Variants in ABHD2 observed in about 807,000 individuals in gnomAD.
ABHD2 encodes the protein monoacylglycerol lipase ABHD2.
Under a neutral mutation model 48.1 loss-of-function variants are expected in ABHD2, and 20 were observed. The ratio of observed to expected loss-of-function variants is 0.42; its 90% confidence interval spans 0.29 to 0.60. The LOEUF is 0.60. Ranked by LOEUF, ABHD2 falls within the 20% of genes least tolerant of loss-of-function variation. The pLI is 0.24. For synonymous variants in ABHD2, 209 were observed against 214.2 expected, an observed-to-expected ratio of 0.98 and a Z score of 0.21; for missense variants, 405 against 550.9, an observed-to-expected ratio of 0.74 and a Z score of 2.65.
the ABHD2 span, among the ~76,000 whole-genome samples, chr15:89,067,402 C>G: frequency 3.9e-5 from 6 of 152,154 alleles, no homozygotes; most frequent in Non-Finnish European, 8.8e-5. Context: ...GATCTAATAG[C>G]CTGGGAGTGC....
At position 89,095,209 on chromosome 15, in the gene ABHD2, G is replaced by C. The variant is rs293373; in HGVS notation, c.-107+6646G>C. On this transcript the variant is annotated intron_variant, in intron 1 of 10. Transcript: ENST00000352732. ...GGCCATTGAATTATGCTGTTTGGGAGGGCCTAAAGTCGAGGATTCTACTCA... is the reference window on the plus strand; with the variant it reads ...GGCCATTGAATTATGCTGTTTGGGACGGCCTAAAGTCGAGGATTCTACTCA... Among the ~76,000 whole-genome samples, 18 of 152,066 alleles carry C rather than the reference G, an allele frequency of 1.2e-4. No individual in the cohort carries two copies. The East Asian group carries it at 3.5e-3, about 29-fold the overall frequency.
rs1289087466 is a variant in ABHD2, at chr15:89,106,700, G to T, written c.-106-7025G>T. Among the ~76,000 whole-genome samples the T allele has an allele frequency of 2.6e-5, 4 of 152,176 alleles. No homozygotes were observed. The highest frequency in any genetic ancestry group is 7.2e-5 in the African/African-American group (3 of 41,438). On this transcript the variant is annotated intron_variant, in intron 1 of 10. Coordinates refer to ENST00000352732, the MANE Select transcript of ABHD2 (RefSeq NM_152924.5). This position sits in a 1 kb window ranked among gnomAD's most constrained non-coding sequence, Gnocchi z 4.2. ...TAAATGGCAGATAAAGTGGGGAGAAGGTGGCCCATTTCCTCCTTACTTTCT... is the reference window on the plus strand; with the variant it reads ...TAAATGGCAGATAAAGTGGGGAGAATGTGGCCCATTTCCTCCTTACTTTCT...
At chr15:89,160,821 C>G (rs541169679) in intron 5 of ABHD2, among the ~76,000 whole-genome samples, 29 of 152,250 alleles carry the variant, frequency 1.9e-4, no homozygotes, top group African/African-American at 6.5e-4. Context: ...CTTTATTGGT[C>G]AAAGTACAGT....
In ABHD2 at chr15:89,199,762, G is replaced by C. The variant is rs1250168397; in HGVS notation, c.*4339G>C. On this transcript the variant is annotated 3_prime_UTR_variant, in exon 11 of 11. Transcript: ENST00000352732. This position sits in a 1 kb window ranked among gnomAD's most constrained non-coding sequence, Gnocchi z 4.1. ...TGTGGCATTTAGAGGCCAAGCAATT[G>C]ACAGAAAGGGTTTCTTCTACCTCTG... is the stretch of plus-strand genomic sequence containing the variant. The C allele has an allele frequency of 6.6e-6, 1 of 152,564 alleles. No homozygotes were observed. Among genetic ancestry groups the C allele is most frequent in the African/African-American group, 2.4e-5 (1 of 41,426 alleles). 9.5% of individuals were successfully genotyped at this position (152,564 alleles called of 1,614,324 possible).
At position 89,195,225 on chromosome 15, in the gene ABHD2, A is replaced by T; in HGVS notation, c.1082-2A>T. On this transcript the variant is annotated splice_acceptor_variant, in intron 10 of 10. Coordinates refer to ENST00000352732, the MANE Select transcript of ABHD2 (RefSeq NM_152924.5). LOFTEE classifies it high-confidence loss of function. This position sits in a 1 kb window ranked among gnomAD's most constrained non-coding sequence, Gnocchi z 5.1. ...ACTCACTCAGCTGCGTTTCCCCTGC[A>T]GAGAAACGAGAGAACGTCATGTTTG... 1 of 1,612,692 alleles carries T rather than the reference A, an allele frequency of 6.2e-7. No individual in the cohort carries two copies. Among genetic ancestry groups the T allele is most frequent in the Non-Finnish European group, 8.5e-7 (1 of 1,179,072 alleles).
chr15:89,185,611 GA>G lies in ABHD2; in HGVS notation c.815+106del, dbSNP rs113210345. On this transcript the variant is annotated intron_variant, in intron 7 of 10. Transcript: ENST00000352732. The surrounding 1 kb of genome is among the most constrained non-coding windows in gnomAD (Gnocchi z 5.9). Reference sequence around the variant, plus strand: ...AGCCAGGACTCCTGTTCCTTCAGGGGAAAAAAAAAAATGCAGGTGTGGTACA... The same window carrying G: ...AGCCAGGACTCCTGTTCCTTCAGGGGAAAAAAAAAATGCAGGTGTGGTACA... The G allele has an allele frequency of 0.041, 30,304 of 733,752 alleles. No individual in the cohort carries two copies. Among genetic ancestry groups the G allele is most frequent in the East Asian group, 0.063 (1,575 of 25,080 alleles). The allele number at this position is 733,752 out of a possible 1,614,324, so 45.5% of individuals were successfully genotyped here.
At chr15:89,183,384 A>ATATATATATATATAT (rs1555433649) in intron 6 of ABHD2, 1 of 46,270 alleles carries the variant, frequency 2.2e-5, no homozygotes, top group Non-Finnish European at 4.2e-5. Flanking sequence ...AAAAAAAAAA[A>ATATATATATATATAT]ATATATATAT....
rs1460636076 is a variant in ABHD2 at position 89,106,564 on chromosome 15, A to G, written c.-106-7161A>G. 6.6e-6 allele frequency among the ~76,000 whole-genome samples: 1 copy of G among 152,174 alleles called. No homozygotes were observed. Among genetic ancestry groups the G allele is most frequent in the Admixed American group, 6.5e-5 (1 of 15,280 alleles). On this transcript the variant is annotated intron_variant, in intron 1 of 10. Transcript: ENST00000352732. This position sits in a 1 kb window ranked among gnomAD's most constrained non-coding sequence, Gnocchi z 4.2. ...GCAGTGAAAGACTCAGAGGACACAA[A>G]GGCACAACTCAGACGGGGATGGCTA...
intron 7 of ABHD2, among the ~76,000 whole-genome samples, chr15:89,187,351 C>T (rs2051227593): frequency 6.6e-6 from 1 of 152,174 alleles, no homozygotes; most frequent in South Asian, 2.1e-4. Flanking sequence ...TTTGTACATT[C>T]TATCCAGTAG....
At chr15:89,071,416 C>T in the ABHD2 span, among the ~76,000 whole-genome samples, 8 of 152,022 alleles carry the variant, frequency 5.3e-5, no homozygotes, top group East Asian at 1.9e-4. Context: ...AGCAAAACCC[C>T]GTCTCAAAAG....
At chr15:89,187,978 A>G (rs572633545) in intron 7 of ABHD2, among the ~76,000 whole-genome samples, 71 of 152,298 alleles carry the variant, frequency 4.7e-4, no homozygotes, top group African/African-American at 1.6e-3. Context: ...TTCAAACCCA[A>G]TCTTTAGTTT....
chr15:89,118,461 G>A lies in ABHD2; in HGVS notation c.194+1940G>A, dbSNP rs532997923. On this transcript the variant is annotated intron_variant, in intron 3 of 10. Transcript: ENST00000352732. The stretch of plus-strand genomic sequence containing the variant: ...TGCTGGGATTACAAGCATGAGCCAC[G>A]GCGCTCGGCCTGAATTTTTTTTAAT... Among the ~76,000 whole-genome samples, 5 of 152,208 alleles carry A rather than the reference G, an allele frequency of 3.3e-5. 1 individual carries two copies. The South Asian group carries it at 6.2e-4, about 19-fold the overall frequency.
chr15:89,078,338 G>A, the ABHD2 span, among the ~76,000 whole-genome samples: 5 of 152,168 alleles, frequency 3.3e-5, no homozygotes, highest in East Asian at 5.8e-4. Context: ...CATCATGATA[G>A]GGCATATAAC....
At chr15:89,191,268 C>T (rs2051300023) in intron 9 of ABHD2, 119 bp downstream of exon 9, 2 of 943,568 alleles carry the variant, frequency 2.1e-6, no homozygotes, top group Non-Finnish European at 3.2e-6. Context: ...GCTCCAACCG[C>T]TCTTTTAGCT....
At chr15:89,158,054 C>T (rs2050702958) in intron 5 of ABHD2, among the ~76,000 whole-genome samples, 1 of 151,974 alleles carries the variant, frequency 6.6e-6, no homozygotes, top group Admixed American at 6.6e-5. Context: ...GGAGGCATGG[C>T]TTGGCTGCAG....
intron 1 of ABHD2, among the ~76,000 whole-genome samples, chr15:89,103,321 C>T (rs2049730460): frequency 6.6e-6 from 1 of 152,128 alleles, no homozygotes. Context: ...TTGAGGATAT[C>T]CGTGCATATT....
the ABHD2 span, among the ~76,000 whole-genome samples, chr15:89,055,801 A>G: frequency 1.3e-5 from 2 of 152,196 alleles, no homozygotes. Context: ...ATTACTTGTC[A>G]AAATGATCAT....
Position 89,176,739 on chromosome 15 carries a change from TC to T in ABHD2, c.722+745del, listed in dbSNP as rs1409159010. Among the ~76,000 whole-genome samples the T allele has an allele frequency of 6.6e-6, 1 of 152,214 alleles. No individual in the cohort carries two copies. Among genetic ancestry groups the T allele is most frequent in the Non-Finnish European group, 1.5e-5 (1 of 68,042 alleles). On this transcript the variant is annotated intron_variant, in intron 6 of 10. Transcript: ENST00000352732. The surrounding 1 kb of genome is among the most constrained non-coding windows in gnomAD (Gnocchi z 4.5). ...CTCTTCAAATACATTCATATTTTTT[TC>T]TGTACTCTTCATGGTGTCTTTCGTT...
chr15:89,059,152 C>T, the ABHD2 span, among the ~76,000 whole-genome samples: 9 of 152,294 alleles, frequency 5.9e-5, no homozygotes, highest in African/African-American at 1.9e-4. Flanking sequence ...ATCATGCCCT[C>T]TTCCATGTTT....
Sources: gnomAD v4.1 joint callset for allele counts (sites outside exome capture counted in the v4.1 genomes callset) on GRCh38, gnomAD v4.1.1 for gene constraint, Gnocchi (gnomAD v3.1) non-coding constraint, MANE v1.5 for transcripts, NCBI Gene and HGNC (gene_info 2026-07-23, HGNC 2026-07-21) for gene names.